SORL1: variants seen among roughly 807,000 people sequenced by gnomAD.
The protein encoded by SORL1 is sortilin related receptor 1, also known as sortilin-related receptor.
Under a neutral mutation model 273.7 loss-of-function variants are expected in SORL1, and 127 were observed. That is an observed-to-expected ratio of 0.46 (90% CI 0.40 to 0.54). The LOEUF (loss-of-function observed/expected upper bound fraction) is 0.54, where lower values mean the gene tolerates loss of function less well. Ranked by LOEUF, SORL1 falls within the 20% of genes least tolerant of loss-of-function variation. SORL1 has a pLI of 0.00. For missense variants in SORL1, 2,494 were observed against 2,846.1 expected (o/e 0.88, Z 2.81); for synonymous variants, 1,031 against 1,067.4 (o/e 0.97, Z 0.66).
At chr11:121,513,837 G>T (rs979569226) in intron 7 of SORL1, among the ~76,000 whole-genome samples, 11 of 152,216 alleles carry the variant, frequency 7.2e-5, no homozygotes, top group Admixed American at 7.2e-4. Context: ...TACTTTGTAC[G>T]AATGAAAGTT....
rs1407868311 is a variant in SORL1, at chr11:121,633,437, C to T, written c.*3874C>T. The T allele has an allele frequency of 6.6e-6, 1 of 152,162 alleles. No individual in the cohort carries two copies. The highest frequency in any genetic ancestry group is 6.6e-5 in the Admixed American group (1 of 15,264). The allele number at this position is 152,162 out of a possible 1,614,324, so 9.4% of individuals were successfully genotyped here. ...GTTATGAACTATTAGAAACTTTAGG[C>T]AAAATCAAAAGTATTTGCGGCAAAA... On this transcript the variant is annotated 3_prime_UTR_variant, in exon 48 of 48. Coordinates refer to ENST00000260197, the MANE Select transcript of SORL1 (RefSeq NM_003105.6).
chr11:121,526,845 T>C (rs1228642918), intron 11 of SORL1, among the ~76,000 whole-genome samples: 1 of 152,170 alleles, frequency 6.6e-6, no homozygotes, highest in Non-Finnish European at 1.5e-5. Flanking sequence ...AGATTCTATG[T>C]AAGCAATCAT....
Position 121,629,579 on chromosome 11 carries a change from T to G in SORL1, c.*16T>G, listed in dbSNP as rs760698596. The stretch of plus-strand genomic sequence containing the variant: ...GATAGCCTGAAAGAGCTTTCCTCAC[T>G]AGAAACCAAATGGTGTAAATATTTT... On this transcript the variant is annotated 3_prime_UTR_variant, in exon 48 of 48. Coordinates refer to ENST00000260197, the MANE Select transcript of SORL1 (RefSeq NM_003105.6). 6.8e-6 allele frequency: 9 copies of G among 1,322,622 alleles called. No individual in the cohort carries two copies. The highest frequency in any genetic ancestry group is 1.2e-5 in the South Asian group (1 of 85,220). 81.9% of individuals were successfully genotyped at this position (1,322,622 alleles called of 1,614,324 possible).
chr11:121,504,984 CA>C (rs749809082), intron 6 of SORL1, among the ~76,000 whole-genome samples: 56 of 152,192 alleles, frequency 3.7e-4, no homozygotes, highest in African/African-American at 1.2e-3. Flanking sequence ...AGTCTATTAA[CA>C]TTGAATATTA....
At position 121,625,161 on chromosome 11, in the gene SORL1, A is replaced by C; in HGVS notation, c.6248A>C (p.Lys2083Thr). The C allele has an allele frequency of 6.2e-7, 1 of 1,613,924 alleles. No homozygotes were observed. The highest frequency in any genetic ancestry group is 8.5e-7 in the Non-Finnish European group (1 of 1,179,838). The change falls in exon 46 of 48, where the codon AAA becomes ACA. Residue 2083 changes from lysine (K) to threonine (T), a missense_variant. By Grantham distance (78) the Lys-to-Thr change is moderately conservative (BLOSUM62 -1). Around this residue, in one of 3 missense-constraint regions of SORL1, gnomAD observed 1,609 missense variants for 1,816.4 expected, o/e 0.89. Coordinates refer to ENST00000260197, the MANE Select transcript of SORL1 (RefSeq NM_003105.6). ...YLGNTTDNFF[K>T]ISNLKMGHNY... ...GGGAATACTACTGACAATTTCTTTAAAATTTCCAACCTGAAGATGGGTCAT... is the reference window on the plus strand; with the variant it reads ...GGGAATACTACTGACAATTTCTTTACAATTTCCAACCTGAAGATGGGTCAT...
intron 6 of SORL1, among the ~76,000 whole-genome samples, chr11:121,510,031 A>AAAAAGTAAT (rs533160473): frequency 1.0e-3 from 155 of 152,330 alleles, no homozygotes; most frequent in Middle Eastern, 3.4e-3. Flanking sequence ...TGCAGTTCTG[A>AAAAAGTAAT]AAAAGTAATA....
At chr11:121,621,488 C>T (rs1048788126) in intron 44 of SORL1, among the ~76,000 whole-genome samples, 1 of 152,070 alleles carries the variant, frequency 6.6e-6, no homozygotes, top group Non-Finnish European at 1.5e-5. Context: ...TAACTCCCCT[C>T]GCTGGTTTTG....
At chr11:121,576,719 C>G in intron 24 of SORL1, 1 of 1,443,594 alleles carries the variant, frequency 6.9e-7, no homozygotes, top group African/African-American at 1.4e-5. Flanking sequence ...CCCCACCCTT[C>G]TAGAGACAGC....
chr11:121,559,536 T>A lies in SORL1; in HGVS notation c.2928T>A (p.Asp976Glu). Residue 976 changes from aspartate to glutamate, a missense_variant, in exon 21 of 48, where the codon GAT (aspartate) becomes GAA (glutamate). This residue lies in a region of SORL1 where 1,609 missense variants were observed against 1,816.4 expected (regional missense o/e 0.89). Coordinates refer to ENST00000260197, the MANE Select transcript of SORL1 (RefSeq NM_003105.6). ...IAVFKNEIYWDDWSQLSIFRA... is the reference protein window; with the variant it reads ...IAVFKNEIYWEDWSQLSIFRA... ...CTTTTTAGAATGAAATCTACTGGGA[T>A]GACTGGTCACAGCTCAGCATATTCC... 1 of 1,613,624 alleles carries A rather than the reference T, an allele frequency of 6.2e-7. No individual in the cohort carries two copies. The highest frequency in any genetic ancestry group is 8.5e-7 in the Non-Finnish European group (1 of 1,179,876).
chr11:121,523,119 A>T, intron 11 of SORL1, 130 bp downstream of exon 11: 1 of 662,358 alleles, frequency 1.5e-6, no homozygotes, highest in South Asian at 1.7e-5. Context: ...ATATGACTAT[A>T]AAGTAAAGAA....
rs978310705 is a variant in SORL1, at chr11:121,562,330, G to T, written c.3049+2673G>T. Among the ~76,000 whole-genome samples the T allele has an allele frequency of 5.3e-5, 8 of 152,154 alleles. No homozygotes were observed. The East Asian group carries it at 9.6e-4, about 18-fold the overall frequency. Reference sequence around the variant, plus strand: ...TTTGTTGTCTCCTCCTAACACATTCGGGACTTTCTACAGTAGTCTCCTGCT... The same window carrying T: ...TTTGTTGTCTCCTCCTAACACATTCTGGACTTTCTACAGTAGTCTCCTGCT... On this transcript the variant is annotated intron_variant, in intron 21 of 47. Transcript: ENST00000260197.
rs770849960 is a variant in SORL1, at chr11:121,586,293, C to T, written c.3778C>T (p.Arg1260Cys). 20 of 1,613,936 alleles carry T rather than the reference C, an allele frequency of 1.2e-5. No homozygotes were observed. The East Asian group carries it at 1.8e-4, about 14-fold the overall frequency. ...IPSSKHCDGL[R>C]DCSDGSDEQH... Reference sequence around the variant, plus strand: ...ATCCAGCAAACATTGTGATGGTCTGCGTGATTGCTCTGATGGCTCCGATGA... The same window carrying T: ...ATCCAGCAAACATTGTGATGGTCTGTGTGATTGCTCTGATGGCTCCGATGA... The change falls in exon 27 of 48, where the codon CGT becomes TGT. Residue 1260 changes from arginine (R) to cysteine (C), a missense_variant. This residue lies in a region of SORL1 where 1,609 missense variants were observed against 1,816.4 expected (regional missense o/e 0.89). Transcript: ENST00000260197.
intron 2 of SORL1, among the ~76,000 whole-genome samples, chr11:121,471,172 G>T (rs920151911): frequency 6.6e-6 from 1 of 152,200 alleles, no homozygotes; most frequent in African/African-American, 2.4e-5. Context: ...GAGACGTGGG[G>T]AAGGGGAAGG....
chr11:121,488,285 C>G lies in SORL1; in HGVS notation c.690+92C>G, dbSNP rs71486384. The G allele has an allele frequency of 3.3e-6, 4 of 1,217,678 alleles. No individual in the cohort carries two copies. The East Asian group carries it at 9.3e-5, about 28-fold the overall frequency. The allele number at this position is 1,217,678 out of a possible 1,614,324, so 75.4% of individuals were successfully genotyped here. ...GTGTGTCCTTTGAGTGACCTCGCCTCCTGCCTCTCCCTCCTTCTCTCTTGG... is the reference window on the plus strand; with the variant it reads ...GTGTGTCCTTTGAGTGACCTCGCCTGCTGCCTCTCCCTCCTTCTCTCTTGG... On this transcript the variant is annotated intron_variant, in intron 4 of 47. Coordinates refer to ENST00000260197, the MANE Select transcript of SORL1 (RefSeq NM_003105.6).
At position 121,590,142 on chromosome 11, in the gene SORL1, G is replaced by A. The variant is rs1863187491; in HGVS notation, c.4181G>A (p.Cys1394Tyr). 6.2e-7 allele frequency: 1 copy of A among 1,614,134 alleles called. No homozygotes were observed. Among genetic ancestry groups the A allele is most frequent in the African/African-American group, 1.3e-5 (1 of 74,946 alleles). ...TGGAAATGTGACAGGGAGAACGACTGTGGGGACTGGTCTGATGAGAAGGAT... is the reference window on the plus strand; with the variant it reads ...TGGAAATGTGACAGGGAGAACGACTATGGGGACTGGTCTGATGAGAAGGAT... ...NRWKCDREND[C>Y]GDWSDEKDCG... is the part of the protein sequence containing the mutation. The change falls in exon 30 of 48, where the codon TGT (cysteine) becomes TAT (tyrosine). Residue 1394 changes from cysteine to tyrosine, a missense_variant. Cys to Tyr is a radical substitution (Grantham distance 194, BLOSUM62 -2). Transcript: ENST00000260197.
At chr11:121,515,139 A>G (rs1453261443) in intron 8 of SORL1, among the ~76,000 whole-genome samples, 3 of 152,202 alleles carry the variant, frequency 2.0e-5, no homozygotes, top group Non-Finnish European at 2.9e-5. Flanking sequence ...CAGTTTATTC[A>G]CAGGTATGCT....
chr11:121,619,666 G>A, intron 42 of SORL1, 87 bp from the exon 43 acceptor site: 2 of 1,055,196 alleles, frequency 1.9e-6, no homozygotes, highest in East Asian at 2.6e-5. Context: ...TTTAATTGTT[G>A]TCATTATTTT....
chr11:121,506,272 GGTACA>G (rs879372981), intron 6 of SORL1, among the ~76,000 whole-genome samples: 3 of 151,622 alleles, frequency 2.0e-5, no homozygotes, highest in African/African-American at 7.3e-5. Context: ...TTTTCTTCTG[GGTACA>G]GTAAACATGG....
At chr11:121,610,487 G>A (rs77510550) in intron 38 of SORL1, 10,178 of 152,348 alleles carry the variant, frequency 0.067, 481 homozygotes, top group Non-Finnish European at 0.1. Flanking sequence ...TGAGTGCTAG[G>A]CATCACACAT....
Sources: gnomAD v4.1 joint callset for allele counts (sites outside exome capture counted in the v4.1 genomes callset) on GRCh38, gnomAD v4.1.1 for gene constraint, gnomAD v4.1.1 regional missense constraint, MANE v1.5 for transcripts, NCBI Gene and HGNC (gene_info 2026-07-23, HGNC 2026-07-21) for gene names.